PCDH15: variants seen among roughly 807,000 people sequenced by gnomAD.
The protein encoded by PCDH15 is protocadherin-15.
A neutral mutation model predicts 178.5 loss-of-function variants in PCDH15; 129 were observed. That is an observed-to-expected ratio of 0.72 (90% confidence interval 0.63 to 0.84). The LOEUF is 0.84. PCDH15 is among the 40% of genes least tolerant of loss of function. The pLI is 0.00. For synonymous variants in PCDH15, 800 were observed against 732.0 expected (o/e 1.09, Z -1.50); for missense variants, 2,230 against 2,099.9 (o/e 1.06, Z -1.21).
intron 6 of PCDH15, among the ~76,000 whole-genome samples, chr10:54,345,871 A>G (rs1226184917): frequency 6.6e-6 from 1 of 151,616 alleles, no homozygotes; most frequent in East Asian, 1.9e-4. Context: ...AGGAAGAAAA[A>G]CAACAAAATA....
intron 8 of PCDH15, among the ~76,000 whole-genome samples, chr10:54,286,522 T>G (rs1372681657): frequency 1.3e-5 from 2 of 152,210 alleles, no homozygotes; most frequent in Non-Finnish European, 2.9e-5. Flanking sequence ...AATGATGTAA[T>G]GAACACAATA....
chr10:54,405,890 A>G (rs568576349), intron 3 of PCDH15, among the ~76,000 whole-genome samples: 2 of 152,000 alleles, frequency 1.3e-5, no homozygotes, highest in East Asian at 1.9e-4. Flanking sequence ...AAAAAGAAAA[A>G]GTATTAGTGT....
intron 2 of PCDH15, among the ~76,000 whole-genome samples, chr10:54,624,513 G>T (rs574911311): frequency 1.3e-5 from 2 of 152,304 alleles, no homozygotes; most frequent in South Asian, 4.1e-4. Context: ...TGGAAACTGG[G>T]TTCAGCTCTG....
chr10:54,133,489 T>C (rs1005997151), intron 14 of PCDH15, among the ~76,000 whole-genome samples: 3 of 152,100 alleles, frequency 2.0e-5, no homozygotes, highest in Admixed American at 2.0e-4. Flanking sequence ...TTAATGTAAG[T>C]GCATGTGAGG....
intron 2 of PCDH15, among the ~76,000 whole-genome samples, chr10:55,474,870 C>G (rs935126336): frequency 3.3e-5 from 5 of 152,128 alleles, no homozygotes; most frequent in African/African-American, 1.2e-4. Flanking sequence ...AAAATATACT[C>G]TCTACCATGA....
At chr10:54,018,282 C>CAAAATA (rs1029511003) in intron 20 of PCDH15, among the ~76,000 whole-genome samples, 1 of 151,632 alleles carries the variant, frequency 6.6e-6, no homozygotes, top group Admixed American at 6.6e-5. Context: ...GGCCACTAAA[C>CAAAATA]AAAATAAAAA....
At chr10:54,866,678 A>C (rs986787683) in intron 3 of PCDH15, among the ~76,000 whole-genome samples, 6 of 152,186 alleles carry the variant, frequency 3.9e-5, no homozygotes, top group African/African-American at 9.6e-5. Flanking sequence ...AGAACACTGA[A>C]TGGCATCCAG....
At chr10:54,595,458 A>G (rs569829140) in intron 2 of PCDH15, among the ~76,000 whole-genome samples, 3 of 152,300 alleles carry the variant, frequency 2.0e-5, no homozygotes, top group South Asian at 2.1e-4. Flanking sequence ...AAAGGACAGC[A>G]ACTTCAAAGA....
chr10:54,660,508 G>T (rs1214487182), intron 2 of PCDH15, among the ~76,000 whole-genome samples: 1 of 152,034 alleles, frequency 6.6e-6, no homozygotes, highest in Non-Finnish European at 1.5e-5. Flanking sequence ...GGACCAAACA[G>T]ATTAACAGCC....
At chr10:53,925,189 G>A (rs957623979) in intron 25 of PCDH15, among the ~76,000 whole-genome samples, 2 of 152,066 alleles carry the variant, frequency 1.3e-5, no homozygotes, top group Non-Finnish European at 2.9e-5. Context: ...TTGGTTCCAC[G>A]CTGCCTTTAT....
chr10:55,155,139 A>T (rs1302381093), intron 2 of PCDH15, among the ~76,000 whole-genome samples: 3 of 152,086 alleles, frequency 2.0e-5, no homozygotes, highest in Admixed American at 6.6e-5. Flanking sequence ...GGAGGCAAAC[A>T]ATGAAATGGT....
intron 2 of PCDH15, among the ~76,000 whole-genome samples, chr10:55,087,534 A>G (rs1842203617): frequency 1.3e-5 from 2 of 152,176 alleles, no homozygotes; most frequent in African/African-American, 2.4e-5. Context: ...GAGAACATCA[A>G]TAAGAATTTG....
intron 8 of PCDH15, among the ~76,000 whole-genome samples, chr10:54,305,275 C>T (rs570660023): frequency 9.9e-5 from 15 of 151,872 alleles, no homozygotes; most frequent in South Asian, 4.2e-4. Flanking sequence ...GTTTTGCTAA[C>T]GAATACATCA....
Position 55,096,721 on chromosome 10 carries a change from G to A in PCDH15, c.-80+69855C>T, listed in dbSNP as rs540336631. Among the ~76,000 whole-genome samples, 4 of 152,114 alleles carry A rather than the reference G, an allele frequency of 2.6e-5. No individual in the cohort carries two copies. In the South Asian group the frequency reaches 8.3e-4, roughly 32 times the overall value. On this transcript the variant is annotated intron_variant, in intron 2 of 5. Coordinates refer to the PCDH15 transcript ENST00000458638. ...ACTTTTTTAGATTTCACATATAAAT[G>A]AGATAATGCAGTATTTGTCTTTCTG...
intron 3 of PCDH15, among the ~76,000 whole-genome samples, chr10:54,806,461 T>C (rs962670827): frequency 6.6e-6 from 1 of 151,698 alleles, no homozygotes; most frequent in Non-Finnish European, 1.5e-5. Context: ...TGGTTATGAC[T>C]ATATGACTGA....
intron 21 of PCDH15, among the ~76,000 whole-genome samples, chr10:53,989,861 A>G (rs149696020): frequency 6.6e-6 from 1 of 152,194 alleles, no homozygotes; most frequent in Non-Finnish European, 1.5e-5. Context: ...ATCAGTAGTG[A>G]TATCAATTGA....
Position 55,105,637 on chromosome 10 carries a change from T to G in PCDH15, c.-80+60939A>C, listed in dbSNP as rs538082804. On this transcript the variant is annotated intron_variant, in intron 2 of 5. Coordinates refer to the PCDH15 transcript ENST00000458638. ...ATTCTCCTCTATTCATCTGGCTGTT[T>G]TGGAAAACTTAAGTCATAAGCAGCA... Among the ~76,000 whole-genome samples, 332 of 152,260 alleles carry G rather than the reference T, an allele frequency of 2.2e-3. 1 individual carries two copies. Among genetic ancestry groups the G allele is most frequent in the Non-Finnish European group, 4.0e-3 (271 of 68,008 alleles).
chr10:54,321,092 C>T (rs113290639), intron 7 of PCDH15, among the ~76,000 whole-genome samples: 1 of 150,030 alleles, frequency 6.7e-6, no homozygotes, highest in South Asian at 2.1e-4. Flanking sequence ...TTCTCAATAA[C>T]AAATAAGTTA....
intron 2 of PCDH15, among the ~76,000 whole-genome samples, chr10:54,576,616 C>A (rs532874999): frequency 1.3e-5 from 2 of 152,064 alleles, no homozygotes; most frequent in Non-Finnish European, 2.9e-5. Context: ...ACTTCTCCTG[C>A]GATTTTTTTA....
Sources: gnomAD v4.1 joint callset for allele counts (sites outside exome capture counted in the v4.1 genomes callset) on GRCh38, gnomAD v4.1.1 for gene constraint, MANE v1.5 for transcripts, NCBI Gene and HGNC (gene_info 2026-07-23, HGNC 2026-07-21) for gene names.